Variants in MEAF6 observed in about 807,000 individuals in gnomAD.
The protein encoded by MEAF6 is MYST/Esa1 associated factor 6.
Under a neutral mutation model 28.9 loss-of-function variants are expected in MEAF6, and 15 were observed. The observed-to-expected ratio is 0.52, with a 90% CI of 0.35 to 0.80. The LOEUF (loss-of-function observed/expected upper bound fraction) is 0.80, where lower values mean the gene tolerates loss of function less well. MEAF6 is among the 30% of genes least tolerant of loss of function. The pLI, the probability that MEAF6 is intolerant of heterozygous loss-of-function variation, is 0.01. For missense variants in MEAF6, 178 were observed against 237.5 expected (o/e 0.75, Z 1.65); for synonymous variants, 97 against 88.7 (o/e 1.09, Z -0.53).
At chr1:37,495,689 AAAAAAAAC>A (rs746893433) in intron 6 of MEAF6, among the ~76,000 whole-genome samples, 188 bp downstream of exon 6, 1 of 123,684 alleles carries the variant, frequency 8.1e-6, no homozygotes, top group African/African-American at 3.0e-5. Context: ...TCTCTCAAAA[AAAAAAAAC>A]AAAAAACAAA....
At chr1:37,500,534 G>C (rs1204488035) in intron 5 of MEAF6, among the ~76,000 whole-genome samples, 1 of 152,144 alleles carries the variant, frequency 6.6e-6, no homozygotes, top group East Asian at 1.9e-4. Flanking sequence ...CGATTAGGAT[G>C]GTGACTTCTG....
chr1:37,495,966 TG>T, intron 5 of MEAF6, 48 bp from the exon 6 acceptor site: 1 of 1,542,468 alleles, frequency 6.5e-7, no homozygotes, highest in Non-Finnish European at 9.0e-7. Context: ...TTACAGAAAA[TG>T]GGTCCCACAA....
chr1:37,496,405 A>G, intron 5 of MEAF6: 1 of 344,606 alleles, frequency 2.9e-6, no homozygotes, highest in Non-Finnish European at 5.2e-6. Flanking sequence ...CAAGATCTTA[A>G]GCTATTATTC....
chr1:37,509,564 T>C (rs1277563020), intron 2 of MEAF6, 22 bp from the exon 3 acceptor site: 1 of 1,599,262 alleles, frequency 6.3e-7, no homozygotes. Context: ...AAGAAACTCA[T>C]TATGAGCACC....
intron 2 of MEAF6, among the ~76,000 whole-genome samples, chr1:37,510,077 ATTTTTTTT>A (rs958473140): frequency 7.5e-6 from 1 of 133,348 alleles, no homozygotes; most frequent in African/African-American, 2.8e-5. Flanking sequence ...GCGCCCAGAC[ATTTTTTTT>A]TTTTTTTTTT....
chr1:37,502,041 C>T, intron 4 of MEAF6, 45 bp from the exon 5 acceptor site: 16 of 1,501,834 alleles, frequency 1.1e-5, no homozygotes, highest in Non-Finnish European at 1.4e-5. Flanking sequence ...CATCAGTACT[C>T]CTCAGGCAAT....
chr1:37,503,085 G>A (rs189705640), intron 4 of MEAF6, among the ~76,000 whole-genome samples: 29 of 151,506 alleles, frequency 1.9e-4, no homozygotes, highest in Non-Finnish European at 3.2e-4. Flanking sequence ...TGGAACTACC[G>A]GCACATGCCA....
intron 4 of MEAF6, among the ~76,000 whole-genome samples, chr1:37,508,231 C>T (rs12125547): frequency 0.055 from 7,908 of 143,472 alleles, 260 homozygotes; most frequent in South Asian, 0.15. Context: ...CCATTTTATA[C>T]TTAAGAACAT....
At chr1:37,501,176 CTCAT>C (rs1325577425) in intron 5 of MEAF6, among the ~76,000 whole-genome samples, 1 of 152,152 alleles carries the variant, frequency 6.6e-6, no homozygotes, top group Non-Finnish European at 1.5e-5. Flanking sequence ...TCATTCCTAT[CTCAT>C]TATGTACTGC....
intron 2 of MEAF6, among the ~76,000 whole-genome samples, chr1:37,511,428 T>C (rs956730360): frequency 6.6e-6 from 1 of 152,232 alleles, no homozygotes; most frequent in Non-Finnish European, 1.5e-5. Context: ...CGGATTCAGA[T>C]AAGAATCAAC....
intron 1 of MEAF6, 126 bp downstream of exon 1, chr1:37,514,531 C>A: frequency 1.6e-6 from 1 of 613,828 alleles, no homozygotes; most frequent in Non-Finnish European, 2.4e-6. Context: ...CCTCAGGCCG[C>A]CGAGCACCCG....
In MEAF6 at chr1:37,514,710, G is replaced by T; in HGVS notation, c.37C>A (p.Pro13Thr). 1 of 1,541,452 alleles carries T rather than the reference G, an allele frequency of 6.5e-7. No homozygotes were observed. Among genetic ancestry groups the T allele is most frequent in the Non-Finnish European group, 8.7e-7 (1 of 1,148,876 alleles). ...MHNKAAPPQI[P>T]DTRRELAELV... ...TCCGCCAGCTCCCGCCGGGTGTCCG[G>T]GATCTGCGGCGGCGCCGCCTTGTTG... Residue 13 changes from proline to threonine, a missense_variant, in exon 1 of 7, where the codon CCG becomes ACG. Pro to Thr is a conservative substitution (Grantham distance 38, BLOSUM62 -1). Coordinates refer to ENST00000296214, the MANE Select transcript of MEAF6 (RefSeq NM_001270875.3).
At chr1:37,503,929 G>T (rs1170375018) in intron 4 of MEAF6, among the ~76,000 whole-genome samples, 1 of 152,078 alleles carries the variant, frequency 6.6e-6, no homozygotes, top group Non-Finnish European at 1.5e-5. Context: ...AGCCGAGATC[G>T]CTCTGGGTGA....
At chr1:37,496,337 CG>C (rs1263115585) in intron 5 of MEAF6, among the ~76,000 whole-genome samples, 1 of 152,034 alleles carries the variant, frequency 6.6e-6, no homozygotes, top group Non-Finnish European at 1.5e-5. Context: ...TTTCTGAACA[CG>C]AAACACAAAA....
intron 6 of MEAF6, among the ~76,000 whole-genome samples, 168 bp from the exon 7 acceptor site, chr1:37,494,275 G>A (rs1209699652): frequency 2.6e-5 from 4 of 152,098 alleles, no homozygotes; most frequent in African/African-American, 9.7e-5. Context: ...CAGCACTTTG[G>A]GAAGCCGAGG....
At chr1:37,513,841 G>T in intron 1 of MEAF6, 1 of 454,180 alleles carries the variant, frequency 2.2e-6, no homozygotes, top group Non-Finnish European at 3.9e-6. Context: ...GGCTAACGCA[G>T]AACTTGGGCG....
In MEAF6 at chr1:37,493,371, T is replaced by C. The variant is rs1186215325; in HGVS notation, c.*728A>G. ...TAAAAAGTTATTTAAAAAGAACTGA[T>C]TTAAACTTATGTTTTTCCATTTTTC... On this transcript the variant is annotated 3_prime_UTR_variant, in exon 7 of 7. Transcript: ENST00000296214. 1 of 186,690 alleles carries C rather than the reference T, an allele frequency of 5.4e-6. No homozygotes were observed. The highest frequency in any genetic ancestry group is 2.3e-5 in the African/African-American group (1 of 42,972). 11.6% of individuals were successfully genotyped at this position (186,690 alleles called of 1,614,324 possible). A position where few individuals can be genotyped will look rare whatever the true frequency, so the allele number is the denominator to read the frequency against.
chr1:37,496,011 G>C, intron 5 of MEAF6, 93 bp from the exon 6 acceptor site: 1 of 1,051,452 alleles, frequency 9.5e-7, no homozygotes. Flanking sequence ...CTATAACAAA[G>C]ACTATTTGGT....
chr1:37,495,684 C>CAAAAAA (rs376230589), intron 6 of MEAF6, among the ~76,000 whole-genome samples: 15 of 70,522 alleles, frequency 2.1e-4, no homozygotes, highest in Admixed American at 5.0e-4. Context: ...AACTGTCTCT[C>CAAAAAA]AAAAAAAAAA....
Sources: allele counts gnomAD v4.1 joint callset (sites outside exome capture counted in the v4.1 genomes callset), GRCh38; gene constraint gnomAD v4.1.1; transcripts MANE v1.5; gene names NCBI Gene and HGNC (gene_info 2026-07-23, HGNC 2026-07-21).